TAFA1: variants seen among roughly 807,000 people sequenced by gnomAD.
The protein encoded by TAFA1 is TAFA chemokine like family member 1, also known as chemokine-like protein TAFA-1.
TAFA1 carries 4 observed loss-of-function variants against 18.5 expected under a neutral mutation model. The ratio of observed to expected loss-of-function variants is 0.22; its 90% confidence interval spans 0.11 to 0.49. The LOEUF is 0.49. TAFA1 is among the 20% of genes least tolerant of loss of function. TAFA1 has a pLI of 0.98. For missense variants in TAFA1, 147 were observed against 169.0 expected (o/e 0.87, Z 0.72); for synonymous variants, 56 against 55.2 (o/e 1.01, Z -0.06).
At chr3:68,082,342 G>C (rs114246805) in intron 2 of TAFA1, among the ~76,000 whole-genome samples, 1,872 of 152,152 alleles carry the variant, frequency 0.012, 46 homozygotes, top group African/African-American at 0.043. Context: ...CCTCCCCCCT[G>C]TTCCTACTTC....
At chr3:68,541,072 C>T (rs2073364726) in intron 4 of TAFA1, among the ~76,000 whole-genome samples, 1 of 152,130 alleles carries the variant, frequency 6.6e-6, no homozygotes, top group Non-Finnish European at 1.5e-5. Context: ...AGAGGATGTA[C>T]CTGTTCTGAC....
At chr3:68,106,884 T>C (rs1242705039) in intron 2 of TAFA1, among the ~76,000 whole-genome samples, 1 of 152,126 alleles carries the variant, frequency 6.6e-6, no homozygotes, top group African/African-American at 2.4e-5. Context: ...TATAACATTA[T>C]ACCTCTAAAA....
intron 2 of TAFA1, among the ~76,000 whole-genome samples, chr3:68,244,349 A>T (rs1232479838): frequency 6.6e-6 from 1 of 151,680 alleles, no homozygotes; most frequent in Non-Finnish European, 1.5e-5. Context: ...GGTTTAGAAG[A>T]TCTCCTATTT....
In TAFA1 at chr3:68,415,851, T is replaced by C. The variant is rs557547063; in HGVS notation, c.119-1429T>C. Among the ~76,000 whole-genome samples, 22 of 152,302 alleles carry C rather than the reference T, an allele frequency of 1.4e-4. 1 individual carries two copies. The East Asian group carries it at 1.5e-3, about 11-fold the overall frequency. Reference sequence around the variant, plus strand: ...CGAGATTCAAACTAAAAGAGGCTGATATGAAAGCCTGAACTCTTCCCTCCT... The same window carrying C: ...CGAGATTCAAACTAAAAGAGGCTGACATGAAAGCCTGAACTCTTCCCTCCT... On this transcript the variant is annotated intron_variant, in intron 2 of 4. Transcript: ENST00000478136.
At chr3:68,201,790 G>C (rs2066472299) in intron 2 of TAFA1, among the ~76,000 whole-genome samples, 1 of 151,702 alleles carries the variant, frequency 6.6e-6, no homozygotes, top group Admixed American at 6.6e-5. Flanking sequence ...TACAAGATGG[G>C]AAGTACAAGA....
At chr3:68,241,530 CAG>C (rs1400016742) in intron 2 of TAFA1, among the ~76,000 whole-genome samples, 1 of 152,110 alleles carries the variant, frequency 6.6e-6, no homozygotes, top group South Asian at 2.1e-4. Context: ...GAGTGAAAAA[CAG>C]AACACAAATC....
chr3:68,034,435 C>G (rs984559905), intron 2 of TAFA1, among the ~76,000 whole-genome samples: 21 of 152,202 alleles, frequency 1.4e-4, no homozygotes, highest in African/African-American at 5.1e-4. Flanking sequence ...CAGCACAGCT[C>G]TTCATAACTT....
chr3:68,255,370 T>A (rs1031151281), intron 2 of TAFA1, among the ~76,000 whole-genome samples: 10 of 152,184 alleles, frequency 6.6e-5, no homozygotes, highest in Admixed American at 6.5e-4. Context: ...TCGGTTCTGA[T>A]TGCAGTAATC....
chr3:68,380,643 G>C (rs2069928291), intron 2 of TAFA1, among the ~76,000 whole-genome samples: 1 of 151,870 alleles, frequency 6.6e-6, no homozygotes. Flanking sequence ...AAATTTGTTT[G>C]AGTTCATTGT....
chr3:68,291,997 C>CAT (rs1007823603), intron 2 of TAFA1, among the ~76,000 whole-genome samples: 10 of 152,034 alleles, frequency 6.6e-5, no homozygotes, highest in Non-Finnish European at 1.2e-4. Context: ...TGTAGTAAAA[C>CAT]ATATATATAA....
intron 3 of TAFA1, among the ~76,000 whole-genome samples, chr3:68,456,684 T>C (rs2071671973): frequency 6.6e-6 from 1 of 152,202 alleles, no homozygotes; most frequent in South Asian, 2.1e-4. Flanking sequence ...CTTGCACCCA[T>C]ATAAAAGCTT....
chr3:68,286,820 T>C (rs1193633473), intron 2 of TAFA1, among the ~76,000 whole-genome samples: 2 of 152,110 alleles, frequency 1.3e-5, no homozygotes, highest in Non-Finnish European at 2.9e-5. Flanking sequence ...AGAAAACCCG[T>C]ACGGGAAATG....
chr3:68,220,913 A>G (rs983882440), intron 2 of TAFA1, among the ~76,000 whole-genome samples: 1 of 152,146 alleles, frequency 6.6e-6, no homozygotes, highest in Non-Finnish European at 1.5e-5. Flanking sequence ...GGCACCACAG[A>G]TGCCTCTGAG....
intron 2 of TAFA1, among the ~76,000 whole-genome samples, chr3:68,129,829 C>T (rs1347049302): frequency 6.6e-6 from 1 of 152,132 alleles, no homozygotes; most frequent in Admixed American, 6.5e-5. Flanking sequence ...AAAGTTCCTT[C>T]TTGAAGTAAG....
At chr3:68,528,367 C>T (rs1049702203) in intron 3 of TAFA1, among the ~76,000 whole-genome samples, 10 of 152,188 alleles carry the variant, frequency 6.6e-5, no homozygotes, top group Admixed American at 3.9e-4. Flanking sequence ...GTCCCTCTAT[C>T]GCATACCCAA....
At chr3:68,487,524 G>A (rs1168776577) in intron 3 of TAFA1, among the ~76,000 whole-genome samples, 1 of 151,976 alleles carries the variant, frequency 6.6e-6, no homozygotes, top group Non-Finnish European at 1.5e-5. Flanking sequence ...GAGGCGGGCG[G>A]ATCACAAGGT....
chr3:68,013,187 C>T (rs777315516), intron 2 of TAFA1, among the ~76,000 whole-genome samples: 27 of 151,954 alleles, frequency 1.8e-4, no homozygotes, highest in Non-Finnish European at 3.1e-4. Context: ...ACTAAGGAAA[C>T]GAGGAATGAA....
intron 2 of TAFA1, among the ~76,000 whole-genome samples, chr3:68,078,165 C>A (rs1559511522): frequency 2.0e-5 from 3 of 152,048 alleles, no homozygotes; most frequent in African/African-American, 7.3e-5. Flanking sequence ...GATTTTGTAT[C>A]CTGAGACTCT....
At chr3:68,214,743 A>T (rs1319322979) in intron 2 of TAFA1, among the ~76,000 whole-genome samples, 1 of 152,106 alleles carries the variant, frequency 6.6e-6, no homozygotes, top group Non-Finnish European at 1.5e-5. Flanking sequence ...TATCATCAGC[A>T]ACTGCAGTTT....
Sources: allele counts gnomAD v4.1 joint callset (sites outside exome capture counted in the v4.1 genomes callset), GRCh38; gene constraint gnomAD v4.1.1; transcripts MANE v1.5; gene names NCBI Gene and HGNC (gene_info 2026-07-23, HGNC 2026-07-21).